NKTR: variants seen among roughly 807,000 people sequenced by gnomAD.
The protein encoded by NKTR is NK-tumor recognition protein.
NKTR carries 67 observed loss-of-function variants against 156.3 expected under a neutral mutation model. That is an observed-to-expected ratio of 0.43 (90% CI 0.35 to 0.53). NKTR has a LOEUF of 0.53. NKTR is among the 20% of genes least tolerant of loss of function. The pLI is 0.01. For synonymous variants in NKTR, 640 were observed against 596.6 expected (o/e 1.07, Z -1.06); for missense variants, 1,604 against 1,730.9 (o/e 0.93, Z 1.30).
intron 8 of NKTR, 37 bp downstream of exon 8, chr3:42,631,353 C>T (rs748033708): frequency 3.1e-6 from 5 of 1,604,524 alleles, no homozygotes; most frequent in Non-Finnish European, 3.4e-6. Context: ...AGCTAAGATG[C>T]AGGTAAAGCA....
intron 6 of NKTR, chr3:42,627,456 A>C: frequency 1.0e-6 from 1 of 984,528 alleles, no homozygotes; most frequent in Non-Finnish European, 1.2e-6. Context: ...CTGGTGGGGG[A>C]GTGGGGTTAT....
At chr3:42,644,131 C>G (rs1262307238) in intron 16 of NKTR, 128 bp downstream of exon 16, 3 of 589,470 alleles carry the variant, frequency 5.1e-6, no homozygotes, top group Non-Finnish European at 8.9e-6. Context: ...ATACTTCTTC[C>G]TTTAAATCTG....
At chr3:42,614,087 G>T (rs892893950) in intron 2 of NKTR, among the ~76,000 whole-genome samples, 1 of 152,126 alleles carries the variant, frequency 6.6e-6, no homozygotes, top group African/African-American at 2.4e-5. Context: ...GTATTACAGT[G>T]CCCAGCCGGT....
chr3:42,629,283 A>G (rs147177431), intron 6 of NKTR: 15,115 of 970,370 alleles, frequency 0.016, 120 homozygotes, highest in Non-Finnish European at 0.017. Context: ...CCACTTTTCA[A>G]TCTTCTAAGG....
rs1209832321 is a variant in NKTR at position 42,627,722 on chromosome 3, G to C, written c.375-2824G>C. 3.1e-6 allele frequency: 3 copies of C among 983,424 alleles called. No individual in the cohort carries two copies. In the African/African-American group the frequency reaches 5.2e-5, roughly 17 times the overall value. 60.9% of individuals were successfully genotyped at this position (983,424 alleles called of 1,614,324 possible). A position where few individuals can be genotyped will look rare whatever the true frequency, so the allele number is the denominator to read the frequency against. On this transcript the variant is annotated intron_variant, in intron 6 of 16. Coordinates refer to ENST00000232978, the MANE Select transcript of NKTR (RefSeq NM_005385.4). ...AATGGAAATGCATAAATATTGAAAG[G>C]TTTTACAATTTGAAATGTTCTTTGT...
At chr3:42,629,890 G>T in intron 6 of NKTR, 1 of 985,456 alleles carries the variant, frequency 1.0e-6, no homozygotes, top group Non-Finnish European at 1.2e-6. Context: ...TAAAATGTCT[G>T]CAATGTTATC....
In NKTR at chr3:42,643,451, G is replaced by C. The variant is rs1427687946; in HGVS notation, c.4199+56G>C. The C allele has an allele frequency of 5.7e-6, 8 of 1,404,204 alleles. No individual in the cohort carries two copies. The East Asian group carries it at 9.1e-5, about 16-fold the overall frequency. The allele number at this position is 1,404,204 out of a possible 1,614,324, so 87.0% of individuals were successfully genotyped here. A position where few individuals can be genotyped will look rare whatever the true frequency, so the allele number is the denominator to read the frequency against. On this transcript the variant is annotated intron_variant, in intron 15 of 16. Transcript: ENST00000232978. The stretch of plus-strand genomic sequence containing the variant: ...GGGCAGAACTGAAAGATCTTGTTTT[G>C]TAAACTGTTTGTTCAAAGTGGTATT...
chr3:42,617,508 T>TC, intron 2 of NKTR, 62 bp from the exon 3 acceptor site: 1 of 820,774 alleles, frequency 1.2e-6, no homozygotes. Context: ...TGTTTCTTTC[T>TC]CCCATTTAAA....
At position 42,642,524 on chromosome 3, in the gene NKTR, G is replaced by T; in HGVS notation, c.4070G>T (p.Arg1357Leu). ...SYRSRSYSRS[R>L]SRGWYSRGRT... ...AGATCAAGAAGCTACTCTAGAAGTC[G>T]GAGCAGAGGATGGTACAGCAGAGGC... Residue 1357 changes from arginine to leucine, a missense_variant, in exon 14 of 17, where the codon CGG becomes CTG. This residue lies in a region of NKTR where 193 missense variants were observed against 220.2 expected (regional missense o/e 0.88). Coordinates refer to ENST00000232978, the MANE Select transcript of NKTR (RefSeq NM_005385.4). 2 of 1,613,672 alleles carry T rather than the reference G, an allele frequency of 1.2e-6. No individual in the cohort carries two copies. Among genetic ancestry groups the T allele is most frequent in the Non-Finnish European group, 1.7e-6 (2 of 1,179,708 alleles).
intron 5 of NKTR, chr3:42,620,220 G>T: frequency 1.6e-6 from 2 of 1,269,846 alleles, no homozygotes; most frequent in African/African-American, 1.5e-5. Context: ...TTCCCAATGG[G>T]TTATTAATTT....
chr3:42,630,029 T>C (rs1708746057), intron 6 of NKTR: 1 of 985,354 alleles, frequency 1.0e-6, no homozygotes, highest in Non-Finnish European at 1.2e-6. Flanking sequence ...GAAACAGAAC[T>C]CCTGAGACCT....
chr3:42,624,793 A>G (rs1322785418), intron 6 of NKTR, among the ~76,000 whole-genome samples: 1 of 152,174 alleles, frequency 6.6e-6, no homozygotes, highest in Non-Finnish European at 1.5e-5. Context: ...ACATTTGGGG[A>G]AACATTCTTT....
At chr3:42,644,700 A>C (rs1710206907) in intron 16 of NKTR, among the ~76,000 whole-genome samples, 1 of 152,010 alleles carries the variant, frequency 6.6e-6, no homozygotes, top group Non-Finnish European at 1.5e-5. Flanking sequence ...TCCCTCCTTT[A>C]AAGTGTTGGG....
At position 42,641,976 on chromosome 3, in the gene NKTR, G is replaced by T. The variant is rs1347250158; in HGVS notation, c.4047-525G>T. Among the ~76,000 whole-genome samples, 9 of 151,216 alleles carry T rather than the reference G, an allele frequency of 6.0e-5. No individual in the cohort carries two copies. In the East Asian group the frequency reaches 1.5e-3, roughly 26 times the overall value. On this transcript the variant is annotated intron_variant, in intron 13 of 16. Coordinates refer to ENST00000232978, the MANE Select transcript of NKTR (RefSeq NM_005385.4). ...TATTCTAAACTTTGGTTATAATTTT[G>T]TTGTCTTTCTTTATAGCTTTACCCC...
chr3:42,634,938 C>T (rs1173228002), intron 11 of NKTR: 1 of 447,024 alleles, frequency 2.2e-6, no homozygotes, highest in East Asian at 3.6e-5. Flanking sequence ...GCTGAGAAAT[C>T]ATTAAGACTT....
chr3:42,608,985 G>A (rs546609751), intron 2 of NKTR, among the ~76,000 whole-genome samples: 7 of 152,172 alleles, frequency 4.6e-5, no homozygotes, highest in Admixed American at 1.3e-4. Flanking sequence ...AAAATTAGCC[G>A]GGCATGGTGG....
intron 6 of NKTR, chr3:42,627,558 A>G (rs1364439014): frequency 1.0e-5 from 10 of 984,874 alleles, no homozygotes; most frequent in African/African-American, 7.0e-5. Flanking sequence ...GTATAAAACT[A>G]TAGATTGTTT....
At chr3:42,632,562 G>A in intron 8 of NKTR, 39 bp from the exon 9 acceptor site, 3 of 1,304,702 alleles carry the variant, frequency 2.3e-6, no homozygotes, top group Non-Finnish European at 3.2e-6. Flanking sequence ...GGTAGGCACT[G>A]AATTTAGTAC....
At chr3:42,636,789 T>C in intron 12 of NKTR, 79 bp from the exon 13 acceptor site, 2 of 1,485,586 alleles carry the variant, frequency 1.3e-6, no homozygotes, top group Non-Finnish European at 1.8e-6. Flanking sequence ...TCAAGAACTT[T>C]GTTGTTAACA....
Sources: allele counts gnomAD v4.1 joint callset (sites outside exome capture counted in the v4.1 genomes callset), GRCh38; gene constraint gnomAD v4.1.1; regional missense constraint gnomAD v4.1.1; transcripts MANE v1.5; gene names NCBI Gene and HGNC (gene_info 2026-07-23, HGNC 2026-07-21).